NAALAD2: variants seen among roughly 807,000 people sequenced by gnomAD.
NAALAD2 encodes N-acetylated-alpha-linked acidic dipeptidase 2.
A neutral mutation model predicts 95.6 loss-of-function variants in NAALAD2; 89 were observed. The ratio of observed to expected loss-of-function variants is 0.93; its 90% CI spans 0.78 to 1.11. The LOEUF is 1.11. NAALAD2 is among the 50% of genes least tolerant of loss of function. The pLI is 0.00. For synonymous variants in NAALAD2, 264 were observed against 294.4 expected (o/e 0.90, Z 1.06); for missense variants, 894 against 872.4 (o/e 1.02, Z -0.31).
chr11:90,179,410 A>G (rs1379389335), intron 16 of NAALAD2, among the ~76,000 whole-genome samples: 2 of 152,134 alleles, frequency 1.3e-5, no homozygotes, highest in Admixed American at 6.5e-5. Context: ...CTATGTAGAG[A>G]GTACTATAAA....
chr11:90,150,415 A>C, intron 4 of NAALAD2, 67 bp from the exon 5 acceptor site: 2 of 1,138,462 alleles, frequency 1.8e-6, no homozygotes, highest in Admixed American at 2.6e-5. Flanking sequence ...TTGTGAAGCA[A>C]ACTTATTTTT....
chr11:90,140,308 C>T (rs907070929), intron 2 of NAALAD2, among the ~76,000 whole-genome samples: 8 of 152,092 alleles, frequency 5.3e-5, no homozygotes, highest in African/African-American at 9.7e-5. Context: ...TTTCTCTAGA[C>T]TGCAAATGGC....
At chr11:90,135,075 C>G (rs554952556) in intron 1 of NAALAD2, 35 of 511,880 alleles carry the variant, frequency 6.8e-5, no homozygotes, top group Non-Finnish European at 1.1e-4. Flanking sequence ...TCACTGAGTT[C>G]ACTAAAGACA....
chr11:90,183,875 A>G (rs1857042312), intron 18 of NAALAD2, among the ~76,000 whole-genome samples: 1 of 152,176 alleles, frequency 6.6e-6, no homozygotes, highest in African/African-American at 2.4e-5. Context: ...TGGTTTTATC[A>G]GAAAACAACT....
chr11:90,167,602 TC>T (rs1952508656), intron 11 of NAALAD2, among the ~76,000 whole-genome samples: 1 of 152,166 alleles, frequency 6.6e-6, no homozygotes, highest in Non-Finnish European at 1.5e-5. Flanking sequence ...CCAGCTGGGC[TC>T]CTGAGTCTGG....
intron 18 of NAALAD2, among the ~76,000 whole-genome samples, chr11:90,190,427 G>A (rs1382754426): frequency 6.6e-6 from 1 of 152,098 alleles, no homozygotes; most frequent in Non-Finnish European, 1.5e-5. Flanking sequence ...ACAAATCTGG[G>A]ACAAATTTAG....
intron 6 of NAALAD2, among the ~76,000 whole-genome samples, chr11:90,154,030 CCT>C (rs57531442): frequency 0.67 from 99,967 of 149,098 alleles, 35,199 homozygotes; most frequent in Non-Finnish European, 0.81. Context: ...GCCCTTCCTT[CCT>C]CTCTCTCTCT....
intron 17 of NAALAD2, 103 bp from the exon 18 acceptor site, chr11:90,182,813 A>G (rs1384059616): frequency 2.6e-6 from 2 of 767,778 alleles, no homozygotes; most frequent in Non-Finnish European, 4.2e-6. Context: ...AAAATTGATC[A>G]ATTTTAGAAA....
Position 90,135,542 on chromosome 11 carries a change from GT to G in NAALAD2, c.83-16del. The G allele has an allele frequency of 6.4e-7, 1 of 1,572,490 alleles. No homozygotes were observed. The highest frequency in any genetic ancestry group is 8.7e-7 in the Non-Finnish European group (1 of 1,148,520). ...TTTGTGTGTATGTGTGCATGTTTGT[GT>G]ATTTTTTTTCCTTAGGCTGGTTTAT... is the stretch of plus-strand genomic sequence containing the variant. On this transcript the variant is annotated splice_polypyrimidine_tract_variant and intron_variant, in intron 1 of 18. Transcript: ENST00000534061.
At chr11:90,164,425 T>C (rs184569919) in intron 11 of NAALAD2, 2 of 152,324 alleles carry the variant, frequency 1.3e-5, no homozygotes, top group Admixed American at 6.5e-5. Context: ...AACTGTGTCA[T>C]GGGGATTTGC....
chr11:90,132,570 G>C (rs1302802511), upstream of NAALAD2, among the ~76,000 whole-genome samples: 1 of 152,064 alleles, frequency 6.6e-6, no homozygotes, highest in Non-Finnish European at 1.5e-5. Flanking sequence ...AATAACATTT[G>C]ATATTGTTTG....
chr11:90,189,584 C>T (rs1056331153), intron 18 of NAALAD2, among the ~76,000 whole-genome samples: 1 of 152,048 alleles, frequency 6.6e-6, no homozygotes, highest in Non-Finnish European at 1.5e-5. Flanking sequence ...GCCTGGCCAA[C>T]ATGGTGAAAC....
intron 10 of NAALAD2, 47 bp downstream of exon 10, chr11:90,163,476 A>G: frequency 1.9e-6 from 3 of 1,613,152 alleles, no homozygotes; most frequent in Non-Finnish European, 2.5e-6. Context: ...TGACTTACTG[A>G]ATTTTCTTTT....
chr11:90,136,202 A>C (rs1209758976), intron 2 of NAALAD2, among the ~76,000 whole-genome samples: 1 of 152,148 alleles, frequency 6.6e-6, no homozygotes, highest in Non-Finnish European at 1.5e-5. Flanking sequence ...AAATTGGGGG[A>C]GTGATCATAA....
intron 13 of NAALAD2, among the ~76,000 whole-genome samples, chr11:90,172,496 G>A (rs1368668863): frequency 1.3e-5 from 2 of 152,062 alleles, no homozygotes; most frequent in Admixed American, 6.6e-5. Context: ...CAGGGAAATT[G>A]TTCAAAATCA....
At chr11:90,171,812 C>T (rs1400484749) in intron 13 of NAALAD2, among the ~76,000 whole-genome samples, 1 of 151,992 alleles carries the variant, frequency 6.6e-6, no homozygotes, top group Non-Finnish European at 1.5e-5. Flanking sequence ...CTGCCAGATG[C>T]AGCAAGAAAT....
At chr11:90,143,288 TA>T (rs962535532) in intron 2 of NAALAD2, among the ~76,000 whole-genome samples, 1 of 152,150 alleles carries the variant, frequency 6.6e-6, no homozygotes, top group Admixed American at 6.5e-5. Flanking sequence ...GACAAATTCT[TA>T]GTTTTTCTTC....
intron 2 of NAALAD2, among the ~76,000 whole-genome samples, chr11:90,139,849 C>G (rs937005879): frequency 1.5e-5 from 2 of 130,164 alleles, no homozygotes; most frequent in African/African-American, 6.5e-5. Context: ...GCTTCACAAA[C>G]TTTTCCTTTT....
chr11:90,189,247 T>G (rs893124410), intron 18 of NAALAD2, among the ~76,000 whole-genome samples: 1 of 152,120 alleles, frequency 6.6e-6, no homozygotes, highest in Non-Finnish European at 1.5e-5. Flanking sequence ...AATGTGACCC[T>G]GATCATACCT....
Sources: gnomAD v4.1 joint callset for allele counts (sites outside exome capture counted in the v4.1 genomes callset) on GRCh38, gnomAD v4.1.1 for gene constraint, MANE v1.5 for transcripts, NCBI Gene and HGNC (gene_info 2026-07-23, HGNC 2026-07-21) for gene names.